SCRIB: variants seen among roughly 807,000 people sequenced by gnomAD.
The protein encoded by SCRIB is protein scribble homolog.
Under a neutral mutation model 170.0 loss-of-function variants are expected in SCRIB, and 72 were observed. The observed-to-expected ratio is 0.42, with a 90% CI of 0.35 to 0.52. SCRIB has a LOEUF of 0.52. SCRIB is among the 20% of genes least tolerant of loss of function. The pLI, the probability that SCRIB is intolerant of heterozygous loss-of-function variation, is 0.02. For missense variants in SCRIB, 2,475 were observed against 2,338.5 expected, an observed-to-expected ratio of 1.06 and a Z score of -1.20; for synonymous variants, 1,298 against 1,044.3, an observed-to-expected ratio of 1.24 and a Z score of -4.68.
intron 24 of SCRIB, among the ~76,000 whole-genome samples, chr8:143,798,250 C>T (rs782544375): frequency 3.3e-5 from 5 of 150,784 alleles, no homozygotes; most frequent in African/African-American, 7.3e-5. Context: ...AGTGAGACTC[C>T]GTCTCAAAAA....
At chr8:143,806,758 AGGTTGCTCTT>A (rs1815442959) in intron 17 of SCRIB, among the ~76,000 whole-genome samples, 156 bp downstream of exon 17, 1 of 152,176 alleles carries the variant, frequency 6.6e-6, no homozygotes, top group African/African-American at 2.4e-5. Context: ...AGGCACCCTC[AGGTTGCTCTT>A]GGACTTCGGG....
intron 24 of SCRIB, among the ~76,000 whole-genome samples, chr8:143,800,027 AG>A (rs1476574890): frequency 6.0e-5 from 8 of 133,180 alleles, no homozygotes; most frequent in African/African-American, 1.9e-4. Context: ...CATGAATTGA[AG>A]CCCCCCCCCC....
Position 143,813,391 on chromosome 8 carries a change from G to A in SCRIB, c.504-17C>T, listed in dbSNP as rs377677464. On this transcript the variant is annotated splice_polypyrimidine_tract_variant and intron_variant, in intron 5 of 36. Coordinates refer to ENST00000356994, the MANE Select transcript of SCRIB (RefSeq NM_182706.5). ...GACAGGGACCTGCAGAGGAAGCAGGGTGGAGGTGTGGCCACGCAGCCCTGG... is the reference window on the plus strand; with the variant it reads ...GACAGGGACCTGCAGAGGAAGCAGGATGGAGGTGTGGCCACGCAGCCCTGG... 3.2e-5 allele frequency: 52 copies of A among 1,613,314 alleles called. No individual in the cohort carries two copies. The highest frequency in any genetic ancestry group is 8.0e-5 in the African/African-American group (6 of 74,948).
rs1283833862 is a variant in SCRIB, at chr8:143,815,202, G to A, written c.159+12C>T. On this transcript the variant is annotated intron_variant, in intron 1 of 36. Transcript: ENST00000356994. ...GCGCGCCTTTGGGCGGCAGGTGCGG[G>A]CGGCCGCTCACCTTGGGCAGCTCGC... 1.3e-6 allele frequency: 2 copies of A among 1,558,130 alleles called. No individual in the cohort carries two copies. Among genetic ancestry groups the A allele is most frequent in the Non-Finnish European group, 8.6e-7 (1 of 1,158,882 alleles).
At position 143,792,766 on chromosome 8, in the gene SCRIB, G is replaced by T. The variant is rs781893269; in HGVS notation, c.4119C>A (p.Pro1373=). The stretch of plus-strand genomic sequence containing the variant: ...CACCCACCAGGGACACGCGCTTAGG[G>T]GGGCCCTCGGCCTGGGGCACGCGCA... ...LEVRVPQAEG[P]PKRVSLVGAD... Residue 1373 remains proline, a synonymous_variant, in exon 30 of 37, where the codon CCC becomes CCA. Transcript: ENST00000356994. 1.9e-6 allele frequency: 3 copies of T among 1,587,622 alleles called. No individual in the cohort carries two copies. The highest frequency in any genetic ancestry group is 1.3e-5 in the African/African-American group (1 of 74,546).
At chr8:143,794,215 G>C in intron 27 of SCRIB, 1 of 513,598 alleles carries the variant, frequency 1.9e-6, no homozygotes, top group Non-Finnish European at 3.5e-6. Context: ...TTGCAGGAGA[G>C]ATGGGAGCAG....
At position 143,792,875 on chromosome 8, in the gene SCRIB, G is replaced by A. The variant is rs782481334; in HGVS notation, c.4018-8C>T. 2.0e-6 allele frequency: 3 copies of A among 1,507,854 alleles called. No homozygotes were observed. Among genetic ancestry groups the A allele is most frequent in the Non-Finnish European group, 2.6e-6 (3 of 1,133,526 alleles). 93.4% of individuals were successfully genotyped at this position (1,507,854 alleles called of 1,614,324 possible). A position where few individuals can be genotyped will look rare whatever the true frequency, so the allele number is the denominator to read the frequency against. On this transcript the variant is annotated splice_region_variant and splice_polypyrimidine_tract_variant and intron_variant, in intron 29 of 36. Transcript: ENST00000356994. Reference sequence around the variant, plus strand: ...AGGCCCAGGCGTGGGGGGCTGGGGGGAGCGGACCTTGAGGTTTGGCTGGCA... The same window carrying A: ...AGGCCCAGGCGTGGGGGGCTGGGGGAAGCGGACCTTGAGGTTTGGCTGGCA...
rs933472925 is a variant in SCRIB at position 143,814,082 on chromosome 8, G to A, written c.196C>T (p.Leu66=). 12 of 1,555,090 alleles carry A rather than the reference G, an allele frequency of 7.7e-6. No individual in the cohort carries two copies. The highest frequency in any genetic ancestry group is 2.7e-5 in the African/African-American group (2 of 73,252). Residue 66 remains leucine (L), a synonymous_variant, in exon 2 of 37, where the codon CTG becomes TTG. Coordinates refer to ENST00000356994, the MANE Select transcript of SCRIB (RefSeq NM_182706.5). ...FRLLNLRKLG[L]SDNEIQRLPP... ...AACCGCTGGATCTCGTTGTCGCTCA[G>A]GCCCAGCTTGCGCAAGTTCAGCAGC...
In SCRIB at chr8:143,792,499, C is replaced by T. The variant is rs143993020; in HGVS notation, c.4314G>A (p.Pro1438=). The T allele has an allele frequency of 2.4e-5, 37 of 1,546,660 alleles. No individual in the cohort carries two copies. Among genetic ancestry groups the T allele is most frequent in the African/African-American group, 4.1e-5 (3 of 74,028 alleles). Residue 1438 remains proline, a synonymous_variant, in exon 31 of 37, where the codon CCG becomes CCA. Transcript: ENST00000356994. ...CGGGTGCTCACCTTGAGGTGGGGCT[C>T]GGGCTGGCCCAGGGTGGCTGCTCAT... ...QEDEQPPWAS[P]SPTSRQSPAS...
intron 24 of SCRIB, among the ~76,000 whole-genome samples, chr8:143,799,895 A>AGAT (rs1554634681): frequency 6.6e-6 from 1 of 152,134 alleles, no homozygotes; most frequent in Non-Finnish European, 1.5e-5. Context: ...GCCAATGCCA[A>AGAT]GATGGGCTCG....
chr8:143,815,087 G>C (rs990708261), intron 1 of SCRIB, 127 bp downstream of exon 1: 1 of 1,115,284 alleles, frequency 9.0e-7, no homozygotes, highest in African/African-American at 1.6e-5. Flanking sequence ...CTGGGGTGGG[G>C]ACCTGGCCAG....
rs745348367 is a variant in SCRIB, at chr8:143,813,431, C to T, written c.503+39G>A. Reference sequence around the variant, plus strand: ...CGCAGCCCTGGTCCCTGGGCTGTGGCCCTGCCCTGGCTGTTAGGAGAATGC... The same window carrying T: ...CGCAGCCCTGGTCCCTGGGCTGTGGTCCTGCCCTGGCTGTTAGGAGAATGC... On this transcript the variant is annotated intron_variant, in intron 5 of 36. Transcript: ENST00000356994. 5 of 1,612,918 alleles carry T rather than the reference C, an allele frequency of 3.1e-6. No homozygotes were observed. In the African/African-American group the frequency reaches 6.7e-5, roughly 22 times the overall value.
Position 143,807,597 on chromosome 8 carries a change from C to A in SCRIB, c.2133G>T (p.Gln711His), listed in dbSNP as rs782092974. 1.9e-6 allele frequency: 3 copies of A among 1,613,860 alleles called. No individual in the cohort carries two copies. Among genetic ancestry groups the A allele is most frequent in the Middle Eastern group, 3.3e-4 (2 of 6,084 alleles). ...CAGGCTCTATCAGCAGGTTATTGGC[C>A]TGGTCAAACGACACTCCCTGTTAGG... ...APSVKGVSFD[Q>H]ANNLLIEPAR... The change falls in exon 16 of 37, where the codon CAG (glutamine) becomes CAT (histidine). Residue 711 changes from glutamine (Q) to histidine (H), a missense_variant. Physicochemically the swap from Gln to His is conservative, Grantham distance 24. Transcript: ENST00000356994.
Position 143,791,685 on chromosome 8 carries a change from C to T in SCRIB, c.4751G>A (p.Arg1584Lys), listed in dbSNP as rs1820089988. 2 of 1,605,048 alleles carry T rather than the reference C, an allele frequency of 1.2e-6. No individual in the cohort carries two copies. Among genetic ancestry groups the T allele is most frequent in the Non-Finnish European group, 1.7e-6 (2 of 1,173,520 alleles). Residue 1584 changes from arginine to lysine, a missense_variant, in exon 35 of 37, where the codon AGA becomes AAA. Arg to Lys is a conservative substitution (Grantham distance 26). Transcript: ENST00000356994. ...YRAFAALPSS[R>K]PVYDIQSPDF... ...AGGTACCTGGATGTCATAGACAGGT[C>T]TGGAAGAAGGCAGGGCCGCAAAGGC...
rs1041435289 is a variant in SCRIB, at chr8:143,815,461, TGGGGAGGGGGCGCAGGCAG to T, written c.-108_-90del. 2.6e-4 allele frequency: 271 copies of T among 1,027,146 alleles called. No homozygotes were observed. Among genetic ancestry groups the T allele is most frequent in the Non-Finnish European group, 3.0e-4 (257 of 848,868 alleles). The allele number at this position is 1,027,146 out of a possible 1,614,324, so 63.6% of individuals were successfully genotyped here. A position where few individuals can be genotyped will look rare whatever the true frequency, so the allele number is the denominator to read the frequency against. Reference sequence around the variant, plus strand: ...GCTCAGTCCGCATGGGCGCCGCGCATGGGGAGGGGGCGCAGGCAGGGGGCGGGCCGCCCGAGACTGGACG... The same window carrying T: ...GCTCAGTCCGCATGGGCGCCGCGCATGGGGCGGGCCGCCCGAGACTGGACG... On this transcript the variant is annotated 5_prime_UTR_variant, in exon 1 of 37. Transcript: ENST00000356994.
In SCRIB at chr8:143,810,758, G is replaced by A. The variant is rs761006926; in HGVS notation, c.1332C>T (p.Arg444=). The A allele has an allele frequency of 8.1e-6, 13 of 1,607,688 alleles. No individual in the cohort carries two copies. The highest frequency in any genetic ancestry group is 1.1e-5 in the South Asian group (1 of 90,978). Residue 444 remains arginine (R), a synonymous_variant, in exon 12 of 37, where the codon CGC becomes CGT. Coordinates refer to ENST00000356994, the MANE Select transcript of SCRIB (RefSeq NM_182706.5). ...SETWSDAPPS[R]VSVIQFLEAP... is the part of the protein sequence containing the mutation. ...CCTCCAGGAACTGGATGACGCTGACGCGGCTCGGCGGGGCATCGCTCCAGG... is the reference window on the plus strand; with the variant it reads ...CCTCCAGGAACTGGATGACGCTGACACGGCTCGGCGGGGCATCGCTCCAGG...
At chr8:143,797,213 G>A (rs1490913090) in intron 24 of SCRIB, among the ~76,000 whole-genome samples, 3 of 152,224 alleles carry the variant, frequency 2.0e-5, no homozygotes, top group African/African-American at 4.8e-5. Flanking sequence ...AGCCCCTTCC[G>A]TGGGCCAAGG....
At chr8:143,802,719 T>A (rs936955249) in intron 24 of SCRIB, among the ~76,000 whole-genome samples, 2 of 152,202 alleles carry the variant, frequency 1.3e-5, no homozygotes, top group Non-Finnish European at 2.9e-5. Context: ...GGAAGGGAGA[T>A]GGGAGCCCCC....
chr8:143,810,708 T>C lies in SCRIB; in HGVS notation c.1382A>G (p.Glu461Gly). The C allele has an allele frequency of 6.2e-7, 1 of 1,605,280 alleles. No individual in the cohort carries two copies. The highest frequency in any genetic ancestry group is 1.3e-5 in the African/African-American group (1 of 74,904). ...LEAPIGDEDA[E>G]EAAAEKRGLQ... ...TACCCGCTTCTCAGCTGCAGCTTCC[T>C]CAGCGTCCTCATCACCTATGGGGGC... Residue 461 changes from glutamate (E) to glycine (G), a missense_variant, in exon 12 of 37, where the codon GAG (glutamate) becomes GGG (glycine). By Grantham distance (98) the Glu-to-Gly change is moderately conservative. Coordinates refer to ENST00000356994, the MANE Select transcript of SCRIB (RefSeq NM_182706.5).
Sources: allele counts gnomAD v4.1 joint callset (sites outside exome capture counted in the v4.1 genomes callset), GRCh38; gene constraint gnomAD v4.1.1; transcripts MANE v1.5; gene names NCBI Gene and HGNC (gene_info 2026-07-23, HGNC 2026-07-21).